Variants in NAV3 observed in about 807,000 individuals in gnomAD.
NAV3 encodes neuron navigator 3.
Under a neutral mutation model 244.7 loss-of-function variants are expected in NAV3, and 87 were observed. The ratio of observed to expected loss-of-function variants is 0.36; its 90% CI spans 0.30 to 0.42. NAV3 has a LOEUF of 0.42. NAV3 is among the 20% of genes least tolerant of loss of function. The probability of loss-of-function intolerance (pLI) is 1.00; values close to 1 mark genes in which losing one functional copy is unlikely to be tolerated. For synonymous variants in NAV3, 1,126 were observed against 1,042.2 expected (o/e 1.08, Z -1.55); for missense variants, 2,663 against 2,893.3 (o/e 0.92, Z 1.83).
chr12:78,120,006 C>A (rs566085511), intron 15 of NAV3, 61 bp downstream of exon 15: 2 of 1,244,990 alleles, frequency 1.6e-6, no homozygotes, highest in African/African-American at 1.5e-5. Context: ...TAGACACATA[C>A]ATTACATATA....
intron 2 of NAV3, among the ~76,000 whole-genome samples, chr12:77,582,359 A>G (rs940865465): frequency 6.6e-6 from 1 of 152,202 alleles, no homozygotes; most frequent in Non-Finnish European, 1.5e-5. Context: ...GCTACTCCCC[A>G]AATGACTTTG....
At chr12:78,207,266 A>G (rs1960428184) in intron 39 of NAV3, among the ~76,000 whole-genome samples, 1 of 152,194 alleles carries the variant, frequency 6.6e-6, no homozygotes, top group African/African-American at 2.4e-5. Flanking sequence ...AAGAGAGGAG[A>G]GAGACTTTTT....
chr12:77,627,824 A>G (rs1871706710), intron 2 of NAV3, among the ~76,000 whole-genome samples: 1 of 152,218 alleles, frequency 6.6e-6, no homozygotes, highest in African/African-American at 2.4e-5. Flanking sequence ...TGGTATATAT[A>G]TACAATGGTA....
intron 12 of NAV3, among the ~76,000 whole-genome samples, chr12:78,091,306 C>G (rs1356950777): frequency 6.6e-6 from 1 of 151,986 alleles, no homozygotes; most frequent in East Asian, 1.9e-4. Flanking sequence ...TGTTGGATTC[C>G]TTGAAGGTGC....
At chr12:78,025,692 C>T (rs1366025776) in intron 9 of NAV3, among the ~76,000 whole-genome samples, 2 of 150,668 alleles carry the variant, frequency 1.3e-5, no homozygotes, top group African/African-American at 4.9e-5. Flanking sequence ...GCAGATTCCT[C>T]ATGAATGGCT....
chr12:77,975,603 G>A lies in NAV3; in HGVS notation c.671+6901G>A, dbSNP rs1055122596. Among the ~76,000 whole-genome samples the A allele has an allele frequency of 3.3e-5, 5 of 152,194 alleles. No homozygotes were observed. The East Asian group carries it at 7.7e-4, about 23-fold the overall frequency. ...TGAATATCTCAGGGCAGTGTTTCAG[G>A]CTGAGAGAAGAAATGCTCTTAGACC... On this transcript the variant is annotated intron_variant, in intron 5 of 39. Transcript: ENST00000397909.
chr12:77,754,125 C>T (rs1426444458), intron 2 of NAV3, among the ~76,000 whole-genome samples: 1 of 152,126 alleles, frequency 6.6e-6, no homozygotes, highest in Non-Finnish European at 1.5e-5. Context: ...AAAGAAATCA[C>T]AGGCATCTCA....
At chr12:78,083,746 G>A (rs549315589) in intron 12 of NAV3, among the ~76,000 whole-genome samples, 10 of 151,974 alleles carry the variant, frequency 6.6e-5, no homozygotes, top group African/African-American at 1.4e-4. Flanking sequence ...TTTCCAGTTC[G>A]CTTCCTTTCT....
intron 12 of NAV3, among the ~76,000 whole-genome samples, chr12:78,062,823 C>A (rs1005174145): frequency 6.6e-6 from 1 of 151,826 alleles, no homozygotes; most frequent in Non-Finnish European, 1.5e-5. Flanking sequence ...GTGATTGATT[C>A]ATTATAGTAA....
intron 5 of NAV3, among the ~76,000 whole-genome samples, chr12:77,974,813 A>G (rs1868271724): frequency 6.6e-6 from 1 of 152,200 alleles, no homozygotes. Flanking sequence ...TGAAGAGACC[A>G]GATGAAATGG....
At chr12:77,919,183 C>A (rs907722016) in intron 1 of NAV3, among the ~76,000 whole-genome samples, 4 of 151,996 alleles carry the variant, frequency 2.6e-5, no homozygotes, top group Admixed American at 2.0e-4. Flanking sequence ...ATGTCTATGG[C>A]CAGAGAAATG....
At chr12:78,087,444 C>T (rs1274626904) in intron 12 of NAV3, among the ~76,000 whole-genome samples, 1 of 151,938 alleles carries the variant, frequency 6.6e-6, no homozygotes, top group Non-Finnish European at 1.5e-5. Context: ...CCCAAAGCAT[C>T]TAGATGTTAC....
chr12:77,924,938 A>G (rs573720291), intron 1 of NAV3, among the ~76,000 whole-genome samples: 2 of 152,078 alleles, frequency 1.3e-5, no homozygotes, highest in South Asian at 4.2e-4. Context: ...CAGGGTAGAT[A>G]AGGATATGAT....
intron 24 of NAV3, 69 bp downstream of exon 24, chr12:78,168,935 G>T: frequency 1.9e-6 from 2 of 1,027,676 alleles, no homozygotes; most frequent in Non-Finnish European, 2.9e-6. Context: ...AATTACAGTA[G>T]AACTGCATTT....
chr12:77,710,932 T>C (rs572305981), intron 2 of NAV3, among the ~76,000 whole-genome samples: 7 of 152,302 alleles, frequency 4.6e-5, no homozygotes, highest in African/African-American at 1.7e-4. Flanking sequence ...AATTTTAAAG[T>C]TATTTAATTT....
chr12:77,999,793 GA>G lies in NAV3; in HGVS notation c.880+1328del, dbSNP rs200295675. Among the ~76,000 whole-genome samples, 927 of 142,526 alleles carry G rather than the reference GA, an allele frequency of 6.5e-3. 5 individuals are homozygous for G. The highest frequency in any genetic ancestry group is 6.1e-3 in the Non-Finnish European group (397 of 64,738). 93.5% of individuals were successfully genotyped at this position (142,526 alleles called of 152,430 possible). On this transcript the variant is annotated intron_variant, in intron 7 of 39. Transcript: ENST00000397909. The stretch of plus-strand genomic sequence containing the variant: ...TAAGGGAGGTGACAGTCGCTCATCA[GA>G]AAAAAAAAAATGCCCTCATTTCCTA...
chr12:77,654,646 T>A (rs905028448), intron 2 of NAV3, among the ~76,000 whole-genome samples: 10 of 152,178 alleles, frequency 6.6e-5, no homozygotes, highest in African/African-American at 2.2e-4. Context: ...ACGGGCAGAC[T>A]GCCTCCTCAG....
rs561054257 is a variant in NAV3 at position 77,721,940 on chromosome 12, A to G, written c.72+149674A>G. ...CCTAACCAGACCTGGAACACACAAT[A>G]CTACTCATAGTTTTTGTCAGAAGGA... On this transcript the variant is annotated intron_variant, in intron 2 of 8. Transcript: ENST00000550042. 3.3e-5 allele frequency among the ~76,000 whole-genome samples: 5 copies of G among 152,188 alleles called. No homozygotes were observed. In the South Asian group the frequency reaches 8.3e-4, roughly 25 times the overall value.
At chr12:77,895,118 G>A (rs1884424190) in intron 1 of NAV3, among the ~76,000 whole-genome samples, 1 of 151,946 alleles carries the variant, frequency 6.6e-6, no homozygotes, top group African/African-American at 2.4e-5. Context: ...AAAAAGGACA[G>A]GAGTGTTTCT....
Sources: gnomAD v4.1 joint callset for allele counts (sites outside exome capture counted in the v4.1 genomes callset) on GRCh38, gnomAD v4.1.1 for gene constraint, MANE v1.5 for transcripts, NCBI Gene and HGNC (gene_info 2026-07-23, HGNC 2026-07-21) for gene names.